Variants in PLPPR1 observed in about 807,000 individuals in gnomAD.
PLPPR1 encodes the protein phospholipid phosphatase-related protein type 1.
PLPPR1 carries 10 observed loss-of-function variants against 33.1 expected under a neutral mutation model. The observed-to-expected ratio is 0.30, with a 90% CI of 0.19 to 0.51. PLPPR1 has a LOEUF of 0.51. Ranked by LOEUF, PLPPR1 falls within the 20% of genes least tolerant of loss-of-function variation. PLPPR1 has a pLI of 0.97. For synonymous variants in PLPPR1, 151 were observed against 151.0 expected (o/e 1.00, Z 0.00); for missense variants, 304 against 408.1 (o/e 0.74, Z 2.20).
intron 1 of PLPPR1, among the ~76,000 whole-genome samples, chr9:101,040,414 G>A (rs1453379930): frequency 6.6e-6 from 1 of 151,846 alleles, no homozygotes; most frequent in Non-Finnish European, 1.5e-5. Context: ...CTCCTTTTTG[G>A]CATCAGGGCT....
chr9:101,186,048 G>A (rs1262729400), intron 2 of PLPPR1, among the ~76,000 whole-genome samples: 2 of 151,678 alleles, frequency 1.3e-5, no homozygotes, highest in Non-Finnish European at 2.9e-5. Flanking sequence ...TAGAGTATTG[G>A]GAGCTTGTGC....
chr9:101,086,487 G>A (rs377721575), intron 1 of PLPPR1, among the ~76,000 whole-genome samples: 38 of 152,276 alleles, frequency 2.5e-4, no homozygotes, highest in African/African-American at 8.7e-4. Flanking sequence ...GTGTCCCATA[G>A]CCAGGTAGCT....
At chr9:101,231,692 T>C (rs1431858831) in intron 2 of PLPPR1, among the ~76,000 whole-genome samples, 3 of 152,126 alleles carry the variant, frequency 2.0e-5, no homozygotes, top group Non-Finnish European at 2.9e-5. Context: ...AAAGATTCAT[T>C]TGTGTCACCA....
At chr9:101,175,666 A>T (rs2118697897) in intron 1 of PLPPR1, among the ~76,000 whole-genome samples, 1 of 152,312 alleles carries the variant, frequency 6.6e-6, no homozygotes, top group Admixed American at 6.5e-5. Flanking sequence ...GCCTAATGGG[A>T]TACCTGGCAT....
chr9:101,205,569 A>G (rs1826574237), intron 2 of PLPPR1, among the ~76,000 whole-genome samples: 2 of 152,156 alleles, frequency 1.3e-5, no homozygotes, highest in African/African-American at 4.8e-5. Flanking sequence ...TTTGTTTTGT[A>G]TGTTCACCTT....
Position 101,102,257 on chromosome 9 carries a change from C to T in PLPPR1, c.-46+73155C>T, listed in dbSNP as rs1043937485. 8.1e-3 allele frequency among the ~76,000 whole-genome samples: 991 copies of T among 122,296 alleles called. 27 individuals carry two copies. The highest frequency in any genetic ancestry group is 0.033 in the African/African-American group (954 of 29,250). 80.2% of individuals were successfully genotyped at this position (122,296 alleles called of 152,430 possible). ...TGCGCTGCACCCACTAACTCGTCATCTAGCATTAGGTATATCTCCCAATGC... is the reference window on the plus strand; with the variant it reads ...TGCGCTGCACCCACTAACTCGTCATTTAGCATTAGGTATATCTCCCAATGC... On this transcript the variant is annotated intron_variant, in intron 1 of 7. Transcript: ENST00000374874.
intron 1 of PLPPR1, among the ~76,000 whole-genome samples, chr9:101,089,570 C>T (rs1005576458): frequency 1.3e-5 from 2 of 152,054 alleles, no homozygotes; most frequent in Non-Finnish European, 2.9e-5. Flanking sequence ...CCTGCTTTTC[C>T]ATGTAAAAAT....
At chr9:101,317,327 C>T (rs747137170) in intron 6 of PLPPR1, 38 bp from the exon 7 acceptor site, 1 of 1,594,500 alleles carries the variant, frequency 6.3e-7, no homozygotes, top group African/African-American at 1.3e-5. Context: ...TTGATGGCTG[C>T]AGTCTGACCC....
chr9:101,173,446 T>A (rs761401752), intron 1 of PLPPR1, among the ~76,000 whole-genome samples: 2 of 152,164 alleles, frequency 1.3e-5, no homozygotes, highest in Non-Finnish European at 2.9e-5. Flanking sequence ...CAATTGGCCC[T>A]ATAGTACCTA....
intron 2 of PLPPR1, among the ~76,000 whole-genome samples, chr9:101,261,121 TA>T (rs1325717741): frequency 6.6e-6 from 1 of 152,128 alleles, no homozygotes; most frequent in African/African-American, 2.4e-5. Context: ...AAAGAACAGT[TA>T]AATGGCTCCA....
intron 1 of PLPPR1, among the ~76,000 whole-genome samples, chr9:101,043,394 C>A (rs145435317): frequency 3.3e-4 from 49 of 149,988 alleles, no homozygotes; most frequent in African/African-American, 1.2e-3. Flanking sequence ...TATACATACA[C>A]ATATATACAT....
intron 2 of PLPPR1, among the ~76,000 whole-genome samples, chr9:101,228,341 G>A (rs1012474547): frequency 6.6e-6 from 1 of 152,176 alleles, no homozygotes; most frequent in African/African-American, 2.4e-5. Flanking sequence ...TAGGGATGCA[G>A]TGGAACAAAC....
At chr9:101,060,784 A>C (rs1400423218) in intron 1 of PLPPR1, among the ~76,000 whole-genome samples, 1 of 151,934 alleles carries the variant, frequency 6.6e-6, no homozygotes, top group Admixed American at 6.6e-5. Context: ...TATATAACTT[A>C]TTCCAGTGAT....
At chr9:101,073,777 T>C (rs895736606) in intron 1 of PLPPR1, among the ~76,000 whole-genome samples, 6 of 152,208 alleles carry the variant, frequency 3.9e-5, no homozygotes, top group Non-Finnish European at 7.4e-5. Context: ...CTATTTCACT[T>C]ACTCTAAGTT....
chr9:101,109,678 C>T (rs907862875), intron 1 of PLPPR1, among the ~76,000 whole-genome samples: 1 of 152,166 alleles, frequency 6.6e-6, no homozygotes, highest in South Asian at 2.1e-4. Context: ...TTAGCATTCC[C>T]ATGGCAAGAT....
At chr9:101,180,097 TA>T (rs1474421064) in intron 1 of PLPPR1, among the ~76,000 whole-genome samples, 8 of 12,506 alleles carry the variant, frequency 6.4e-4, no homozygotes, top group Non-Finnish European at 1.1e-3. Context: ...CTCTCCTTTA[TA>T]TATATATATA....
At chr9:101,291,040 G>A (rs148471672) in intron 4 of PLPPR1, among the ~76,000 whole-genome samples, 5 of 152,086 alleles carry the variant, frequency 3.3e-5, no homozygotes, top group Admixed American at 3.3e-4. Flanking sequence ...GTCAAAGAAA[G>A]GGGTGAAAGA....
intron 2 of PLPPR1, among the ~76,000 whole-genome samples, chr9:101,229,206 C>T (rs1827134073): frequency 6.6e-6 from 1 of 152,074 alleles, no homozygotes; most frequent in South Asian, 2.1e-4. Context: ...AGTGTATCTG[C>T]AGTCATTCAG....
chr9:101,215,183 TTTATGAA>T (rs1826766289), intron 2 of PLPPR1, among the ~76,000 whole-genome samples: 1 of 152,114 alleles, frequency 6.6e-6, no homozygotes, highest in South Asian at 2.1e-4. Context: ...GAAACAGTGA[TTTATGAA>T]TTGTCCAGTG....
Sources: gnomAD v4.1 joint callset for allele counts (sites outside exome capture counted in the v4.1 genomes callset) on GRCh38, gnomAD v4.1.1 for gene constraint, MANE v1.5 for transcripts, NCBI Gene and HGNC (gene_info 2026-07-23, HGNC 2026-07-21) for gene names.